MYO5B: variants seen among roughly 807,000 people sequenced by gnomAD.
The protein encoded by MYO5B is myosin VB.
In MYO5B, 143 loss-of-function variants were observed where a neutral mutation model predicts 229.3. That is an observed-to-expected ratio of 0.62 (90% CI 0.54 to 0.72). The LOEUF is 0.72. MYO5B is among the 30% of genes least tolerant of loss of function. The pLI is 0.00. For missense variants in MYO5B, 2,321 were observed against 2,331.0 expected (o/e 1.00, Z 0.09); for synonymous variants, 918 against 885.2 (o/e 1.04, Z -0.66).
chr18:50,124,028 C>A (rs1238382740), intron 1 of MYO5B, among the ~76,000 whole-genome samples: 4 of 152,150 alleles, frequency 2.6e-5, no homozygotes, highest in Admixed American at 2.0e-4. Context: ...ATAAATAAGA[C>A]CATTTCCACC....
intron 4 of MYO5B, among the ~76,000 whole-genome samples, chr18:50,024,168 T>C (rs1288090449): frequency 6.6e-6 from 1 of 152,150 alleles, no homozygotes; most frequent in African/African-American, 2.4e-5. Context: ...AATGACCCAG[T>C]GCGGAAGCAG....
intron 10 of MYO5B, among the ~76,000 whole-genome samples, chr18:49,973,666 G>A (rs994934349): frequency 6.6e-6 from 1 of 152,204 alleles, no homozygotes; most frequent in African/African-American, 2.4e-5. Context: ...CTCATTTGAA[G>A]CTATGAAATG....
chr18:50,032,861 C>T (rs2026405436), intron 4 of MYO5B, among the ~76,000 whole-genome samples: 1 of 152,008 alleles, frequency 6.6e-6, no homozygotes, highest in Admixed American at 6.6e-5. Context: ...GTGGCAGGTA[C>T]CTTTAATCCT....
intron 2 of MYO5B, among the ~76,000 whole-genome samples, chr18:50,053,766 C>T (rs1326018609): frequency 6.6e-6 from 1 of 152,126 alleles, no homozygotes; most frequent in Non-Finnish European, 1.5e-5. Context: ...GATGTTCAAT[C>T]AACAAGTTAA....
intron 4 of MYO5B, among the ~76,000 whole-genome samples, chr18:50,014,579 T>C (rs1352964517): frequency 6.6e-6 from 1 of 152,192 alleles, no homozygotes; most frequent in Non-Finnish European, 1.5e-5. Context: ...TACCGCCCTA[T>C]CTCCTGCAGT....
At chr18:50,000,043 A>T (rs546512309) in intron 5 of MYO5B, among the ~76,000 whole-genome samples, 43 of 152,382 alleles carry the variant, frequency 2.8e-4, no homozygotes, top group African/African-American at 1.0e-3. Flanking sequence ...TTAGCAGAGA[A>T]TTAAAGTCCT....
At chr18:50,148,915 G>C (rs1272519063) in intron 1 of MYO5B, among the ~76,000 whole-genome samples, 1 of 152,198 alleles carries the variant, frequency 6.6e-6, no homozygotes, top group Non-Finnish European at 1.5e-5. Flanking sequence ...CAGATGAAAT[G>C]ATTGTATATC....
At chr18:49,876,878 G>A (rs541658586) in intron 25 of MYO5B, among the ~76,000 whole-genome samples, 1 of 152,310 alleles carries the variant, frequency 6.6e-6, no homozygotes, top group Admixed American at 6.5e-5. Flanking sequence ...ATTCTCTATT[G>A]CTGATGGTCT....
At chr18:49,900,030 G>A (rs2024823343) in intron 21 of MYO5B, among the ~76,000 whole-genome samples, 1 of 152,066 alleles carries the variant, frequency 6.6e-6, no homozygotes, top group Non-Finnish European at 1.5e-5. Context: ...GTTAACTTTA[G>A]AAATCAGCAA....
rs141329316 is a variant in MYO5B, at chr18:49,910,390, G to A, written c.2202+1672C>T. The stretch of plus-strand genomic sequence containing the variant: ...AATGAGAAGGCAGCCACATGGCAGA[G>A]TGGGCTACTTGCAGGCCCTGAAATC... On this transcript the variant is annotated intron_variant, in intron 18 of 39. Transcript: ENST00000285039. 4.2e-3 allele frequency among the ~76,000 whole-genome samples: 644 copies of A among 152,346 alleles called. 5 individuals carry two copies. The highest frequency in any genetic ancestry group is 0.015 in the African/African-American group (621 of 41,592).
At chr18:49,998,680 T>A (rs1303614918) in intron 5 of MYO5B, among the ~76,000 whole-genome samples, 1 of 152,176 alleles carries the variant, frequency 6.6e-6, no homozygotes, top group Non-Finnish European at 1.5e-5. Context: ...TACTGTTCAA[T>A]CATGAAAAGG....
At chr18:49,903,140 T>C (rs2024862672) in intron 20 of MYO5B, among the ~76,000 whole-genome samples, 1 of 152,172 alleles carries the variant, frequency 6.6e-6, no homozygotes, top group South Asian at 2.1e-4. Flanking sequence ...CTAATGATCA[T>C]CCACTTGCTC....
At chr18:50,059,515 T>C (rs897093349) in intron 1 of MYO5B, among the ~76,000 whole-genome samples, 38 of 152,204 alleles carry the variant, frequency 2.5e-4, no homozygotes, top group Non-Finnish European at 1.3e-4. Flanking sequence ...ATTTTGTATA[T>C]GCAGATCTGA....
chr18:49,914,505 T>C (rs774549526), intron 17 of MYO5B, among the ~76,000 whole-genome samples: 2 of 151,760 alleles, frequency 1.3e-5, no homozygotes, highest in Non-Finnish European at 2.9e-5. Flanking sequence ...TCTGGCCAGG[T>C]GTGGTGGCTC....
At chr18:50,033,821 G>A (rs1247591905) in intron 4 of MYO5B, among the ~76,000 whole-genome samples, 1 of 151,864 alleles carries the variant, frequency 6.6e-6, no homozygotes, top group Non-Finnish European at 1.5e-5. Context: ...TGGTGAATAT[G>A]ACAGAGATAG....
At chr18:50,105,224 T>C (rs1001316112) in intron 1 of MYO5B, among the ~76,000 whole-genome samples, 1 of 143,678 alleles carries the variant, frequency 7.0e-6, no homozygotes, top group Non-Finnish European at 1.5e-5. Flanking sequence ...AATAAATAAA[T>C]AAATAAATAA....
chr18:49,963,399 AT>A (rs1463355432), intron 10 of MYO5B, among the ~76,000 whole-genome samples: 24 of 120,512 alleles, frequency 2.0e-4, no homozygotes, highest in East Asian at 1.5e-3. Flanking sequence ...TACTTATTTA[AT>A]TTAATTAATT....
At chr18:50,184,774 C>T (rs1439108533) in intron 1 of MYO5B, among the ~76,000 whole-genome samples, 1 of 152,078 alleles carries the variant, frequency 6.6e-6, no homozygotes, top group Non-Finnish European at 1.5e-5. Context: ...TGCTGTGACT[C>T]ATGCCTATAA....
At chr18:50,022,780 G>C (rs1032407123) in intron 4 of MYO5B, among the ~76,000 whole-genome samples, 4 of 152,144 alleles carry the variant, frequency 2.6e-5, no homozygotes, top group African/African-American at 9.7e-5. Flanking sequence ...CTGAAGGAAG[G>C]GTCACAGAGG....
Sources: gnomAD v4.1 joint callset for allele counts (sites outside exome capture counted in the v4.1 genomes callset) on GRCh38, gnomAD v4.1.1 for gene constraint, MANE v1.5 for transcripts, NCBI Gene and HGNC (gene_info 2026-07-23, HGNC 2026-07-21) for gene names.